SCYGR8: variants seen among roughly 807,000 people sequenced by gnomAD.
SCYGR8 encodes the protein small cysteine and glycine repeat containing 8.
chr2:227,745,942 AGTGGTGGCTGTGGTGGTGGCTGCG>A, exon 1 of SCYGR8: 2 of 387,040 alleles, frequency 5.2e-6, no homozygotes, highest in East Asian at 3.9e-5. Context: ...TGGTGGCTGC[AGTGGTGGCTGTGGTGGTGGCTGCG>A]GTGGTGGCTG....
At chr2:227,746,060 C>A (rs1361529501) in exon 1 of SCYGR8, 1 of 398,940 alleles carries the variant, frequency 2.5e-6, no homozygotes, top group Non-Finnish European at 4.4e-6. Context: ...AGCTGCTGCC[C>A]CTGCTGCCGT....
At position 227,746,200 on chromosome 2, in the gene SCYGR8, C is replaced by T. The variant is rs924067796; in HGVS notation, c.307C>T (p.Gln103Ter). Residue 103 changes from glutamine (Q) to a stop codon, truncating the protein, a stop_gained, in exon 1 of 1, where the codon CAG becomes TAG. Coordinates refer to ENST00000641981, the Ensembl canonical transcript of SCYGR8. LOFTEE classifies it high-confidence loss of function. ...ATGCTGTCAGCAGAAGTGCTGCTGC[C>T]AGAAGCAATGCTGCTGCTAGGTGGG... The T allele has an allele frequency of 2.5e-6, 1 of 398,802 alleles. No homozygotes were observed. The highest frequency in any genetic ancestry group is 4.4e-6 in the Non-Finnish European group (1 of 226,258). The allele number at this position is 398,802 out of a possible 1,614,324, so 24.7% of individuals were successfully genotyped here.
At chr2:227,746,183 A>G (rs1696828603) in exon 1 of SCYGR8, 2 of 398,918 alleles carry the variant, frequency 5.0e-6, no homozygotes. Flanking sequence ...GGATGCTGTC[A>G]GCAGAAGTGC....
exon 1 of SCYGR8, chr2:227,745,951 T>TCTG (rs1559270498): frequency 6.5e-5 from 25 of 385,268 alleles, no homozygotes; most frequent in Non-Finnish European, 1.0e-4. Context: ...CAGTGGTGGC[T>TCTG]GTGGTGGTGG....
chr2:227,745,951 T>TGTG (rs1696823334), exon 1 of SCYGR8: 1 of 385,378 alleles, frequency 2.6e-6, no homozygotes, highest in Non-Finnish European at 4.5e-6. Flanking sequence ...CAGTGGTGGC[T>TGTG]GTGGTGGTGG....
exon 1 of SCYGR8, chr2:227,746,186 A>C (rs9288625): frequency 5.5e-5 from 22 of 398,740 alleles, no homozygotes; most frequent in Non-Finnish European, 7.5e-5. Context: ...TGCTGTCAGC[A>C]GAAGTGCTGC....
chr2:227,745,978 G>GGTGGTGGCT (rs1387367877), exon 1 of SCYGR8: 3 of 10,528 alleles, frequency 2.8e-4, no homozygotes, highest in African/African-American at 1.5e-3. Context: ...TGGTGGCTGC[G>GGTGGTGGCT]GCGGTGGTGG....
At chr2:227,746,073 C>A in exon 1 of SCYGR8, 1 of 399,332 alleles carries the variant, frequency 2.5e-6, no homozygotes, top group Non-Finnish European at 4.4e-6. Flanking sequence ...GCTGCCGTGG[C>A]TGCTGTGGAG....
At chr2:227,745,979 G>A in exon 1 of SCYGR8, 1 of 243,612 alleles carries the variant, frequency 4.1e-6, no homozygotes, top group Non-Finnish European at 6.4e-6. Context: ...GGTGGCTGCG[G>A]CGGTGGTGGC....
exon 1 of SCYGR8, chr2:227,746,034 G>C (rs576264382): frequency 2.2e-4 from 86 of 399,150 alleles, no homozygotes; most frequent in Non-Finnish European, 2.7e-4. Flanking sequence ...GGTGCTACCG[G>C]GTGGGCTGCT....
chr2:227,746,119 C>T (rs1042077857), exon 1 of SCYGR8: 48 of 398,772 alleles, frequency 1.2e-4, no homozygotes, highest in Non-Finnish European at 1.7e-4. Flanking sequence ...CTGCTGCCGC[C>T]GCACCTGCAG....
chr2:227,745,921 GGTGGTGGCT>G (rs869237231), exon 1 of SCYGR8: 1 of 413,250 alleles, frequency 2.4e-6, no homozygotes, highest in Non-Finnish European at 4.2e-6. Context: ...TGGTGGCTGC[GGTGGTGGCT>G]GTGGTGGCTG....
exon 1 of SCYGR8, chr2:227,746,010 C>A (rs1212489451): frequency 1.5e-5 from 6 of 399,690 alleles, no homozygotes; most frequent in Admixed American, 4.4e-5. Flanking sequence ...GCTGTGGCAG[C>A]TGCACCACCT....
chr2:227,746,015 C>T (rs1696825513), exon 1 of SCYGR8: 1 of 399,748 alleles, frequency 2.5e-6, no homozygotes, highest in South Asian at 1.2e-4. Flanking sequence ...GGCAGCTGCA[C>T]CACCTGCAGG....
At chr2:227,745,914 T>C in exon 1 of SCYGR8, 1 of 412,548 alleles carries the variant, frequency 2.4e-6, no homozygotes, top group East Asian at 3.5e-5. Context: ...GTGGGTGTGG[T>C]GGCTGCGGTG....
chr2:227,746,141 G>C (rs983902646), exon 1 of SCYGR8: 1 of 399,020 alleles, frequency 2.5e-6, no homozygotes. Flanking sequence ...TCGTGTGGCT[G>C]TGGCTATGGG....
At chr2:227,746,217 C>T (rs2106135557) in exon 1 of SCYGR8, 2 of 398,794 alleles carry the variant, frequency 5.0e-6, no homozygotes, top group Admixed American at 4.4e-5. Flanking sequence ...AATGCTGCTG[C>T]TAGGTGGGAA....
At chr2:227,746,100 C>T (rs576356383) in exon 1 of SCYGR8, 7 of 399,020 alleles carry the variant, frequency 1.8e-5, no homozygotes, top group East Asian at 1.1e-4. Context: ...GCAGCACTCC[C>T]GTGATCTGCT....
At chr2:227,745,988 G>A (rs1198953674) in exon 1 of SCYGR8, 3 of 389,456 alleles carry the variant, frequency 7.7e-6, no homozygotes, top group Non-Finnish European at 1.3e-5. Context: ...GGCGGTGGTG[G>A]CTGCGGTGGT....
Sources: allele counts gnomAD v4.1 joint callset, GRCh38; gene constraint gnomAD v4.1.1; transcripts MANE v1.5; gene names NCBI Gene and HGNC (gene_info 2026-07-23, HGNC 2026-07-21).